DDX60L: variants seen among roughly 807,000 people sequenced by gnomAD.
DDX60L encodes DExD/H-box 60 like, also known as probable ATP-dependent RNA helicase DDX60-like.
Under a neutral mutation model 211.6 loss-of-function variants are expected in DDX60L, and 191 were observed. The ratio of observed to expected loss-of-function variants is 0.90; its 90% CI spans 0.80 to 1.02. DDX60L has a LOEUF of 1.02. Among genes scored for constraint, DDX60L ranks in the 50% least tolerant of loss-of-function variants. The pLI, the probability that DDX60L is intolerant of heterozygous loss-of-function variation, is 0.00. For missense variants in DDX60L, 2,007 were observed against 1,984.1 expected (o/e 1.01, Z -0.22); for synonymous variants, 706 against 694.1 (o/e 1.02, Z -0.27).
At chr4:168,449,876 C>G (rs1326539024) in intron 8 of DDX60L, among the ~76,000 whole-genome samples, 2 of 150,764 alleles carry the variant, frequency 1.3e-5, no homozygotes, top group East Asian at 1.9e-4. Context: ...AAAATTATGA[C>G]TGAAACGGTG....
At chr4:168,460,058 G>C (rs1757119331) in intron 5 of DDX60L, among the ~76,000 whole-genome samples, 1 of 152,070 alleles carries the variant, frequency 6.6e-6, no homozygotes, top group African/African-American at 2.4e-5. Context: ...AACAAAGGCG[G>C]AGTTCCAATT....
chr4:168,464,441 G>GTTTT (rs1554021674), intron 4 of DDX60L, among the ~76,000 whole-genome samples: 1 of 53,878 alleles, frequency 1.9e-5, no homozygotes, highest in African/African-American at 7.5e-5. Flanking sequence ...CTTTATAATT[G>GTTTT]TATTTTTTTT....
At position 168,480,398 on chromosome 4, in the gene DDX60L, G is replaced by A. The variant is rs568939211; in HGVS notation, c.-132C>T. 6.6e-6 allele frequency: 1 copy of A among 152,648 alleles called. No homozygotes were observed. Among genetic ancestry groups the A allele is most frequent in the African/African-American group, 2.4e-5 (1 of 41,560 alleles). The allele number at this position is 152,648 out of a possible 1,614,324, so 9.5% of individuals were successfully genotyped here. On this transcript the variant is annotated 5_prime_UTR_variant, in exon 1 of 38. Transcript: ENST00000682922. ...TCACCCCGGCCGCCGAACCTGCTAG[G>A]TCCAAAGAGCTTCGGAGCTGCACGC...
In DDX60L at chr4:168,430,506, G is replaced by T. The variant is rs1390066503; in HGVS notation, c.1649C>A (p.Ser550Tyr). ...VTQTTRPKED[S>Y]SGASGEILQN... Reference sequence around the variant, plus strand: ...TAATATTTCACCACTGGCACCACTGGAATCCTCCTTTGGCCGAGTAGTTTG... The same window carrying T: ...TAATATTTCACCACTGGCACCACTGTAATCCTCCTTTGGCCGAGTAGTTTG... Residue 550 changes from serine to tyrosine, a missense_variant, in exon 13 of 38, where the codon TCC becomes TAC. Coordinates refer to ENST00000682922, the MANE Select transcript of DDX60L (RefSeq NM_001012967.3). 1.2e-6 allele frequency: 2 copies of T among 1,605,700 alleles called. No homozygotes were observed. Among genetic ancestry groups the T allele is most frequent in the Non-Finnish European group, 1.7e-6 (2 of 1,177,258 alleles).
chr4:168,373,912 A>C, intron 34 of DDX60L, 104 bp from the exon 35 acceptor site: 100 of 1,163,078 alleles, frequency 8.6e-5, no homozygotes, highest in Non-Finnish European at 1.1e-4. Context: ...CATTCATCTC[A>C]TCAGAATGAA....
chr4:168,365,663 A>T (rs909516617), intron 36 of DDX60L, among the ~76,000 whole-genome samples: 3 of 151,882 alleles, frequency 2.0e-5, no homozygotes, highest in African/African-American at 7.2e-5. Context: ...CTACTTCCAA[A>T]TTTTTTTTAC....
In DDX60L at chr4:168,448,728, A is replaced by T. The variant is rs1011713066; in HGVS notation, c.1048T>A (p.Trp350Arg). Residue 350 changes from tryptophan to arginine, a missense_variant, in exon 9 of 38, where the codon TGG becomes AGG. Coordinates refer to ENST00000682922, the MANE Select transcript of DDX60L (RefSeq NM_001012967.3). ...ILSNLNVFGCWNLNLNHVSDL... is the reference protein window; with the variant it reads ...ILSNLNVFGCRNLNLNHVSDL... ...GAAACATGATTTAAATTCAGATTCCAGCATCCAAAAACGTTTAAGTTGCTT... is the reference window on the plus strand; with the variant it reads ...GAAACATGATTTAAATTCAGATTCCTGCATCCAAAAACGTTTAAGTTGCTT... The T allele has an allele frequency of 6.2e-7, 1 of 1,607,354 alleles. No homozygotes were observed. The highest frequency in any genetic ancestry group is 1.3e-5 in the African/African-American group (1 of 74,924).
intron 34 of DDX60L, among the ~76,000 whole-genome samples, chr4:168,374,684 G>A (rs774562212): frequency 1.3e-5 from 2 of 152,296 alleles, no homozygotes; most frequent in Non-Finnish European, 2.9e-5. Context: ...CTTTTCAATT[G>A]TTTTATTTTT....
intron 22 of DDX60L, among the ~76,000 whole-genome samples, chr4:168,410,829 G>A (rs564485838): frequency 6.6e-6 from 1 of 152,296 alleles, no homozygotes; most frequent in African/African-American, 2.4e-5. Flanking sequence ...AGATCATTTG[G>A]TAATGGGAAC....
chr4:168,374,143 T>C (rs2149649260), intron 34 of DDX60L, among the ~76,000 whole-genome samples: 1 of 151,966 alleles, frequency 6.6e-6, no homozygotes, highest in African/African-American at 2.4e-5. Flanking sequence ...AGAGGTTCTG[T>C]CCAGCGAGTA....
At chr4:168,442,156 C>T (rs886325529) in intron 9 of DDX60L, among the ~76,000 whole-genome samples, 2 of 151,998 alleles carry the variant, frequency 1.3e-5, no homozygotes, top group East Asian at 1.9e-4. Flanking sequence ...GCACCGTGTG[C>T]GAGCCGAAGC....
At chr4:168,419,918 C>T (rs1160713947) in intron 18 of DDX60L, among the ~76,000 whole-genome samples, 1 of 151,144 alleles carries the variant, frequency 6.6e-6, no homozygotes, top group Non-Finnish European at 1.5e-5. Flanking sequence ...ATATTGTTCA[C>T]AAGACCTAGC....
intron 36 of DDX60L, among the ~76,000 whole-genome samples, chr4:168,369,488 A>ACAAAAC (rs1553987225): frequency 1.4e-4 from 21 of 147,076 alleles, no homozygotes; most frequent in Admixed American, 8.8e-4. Context: ...AAAAACAAAA[A>ACAAAAC]AAAAAAAACA....
intron 24 of DDX60L, among the ~76,000 whole-genome samples, chr4:168,405,016 T>G (rs1396198556): frequency 6.6e-6 from 1 of 152,066 alleles, no homozygotes; most frequent in Admixed American, 6.6e-5. Context: ...AGTATCATTT[T>G]TTTTTTTTTT....
chr4:168,390,858 G>C (rs568092060), intron 29 of DDX60L, among the ~76,000 whole-genome samples: 1 of 150,314 alleles, frequency 6.7e-6, no homozygotes, highest in African/African-American at 2.5e-5. Context: ...TTCCTCCCTC[G>C]CCTTATAATA....
rs990785174 is a variant in DDX60L, at chr4:168,397,381, G to C, written c.3492-1257C>G. Among the ~76,000 whole-genome samples, 17 of 152,134 alleles carry C rather than the reference G, an allele frequency of 1.1e-4. 1 individual carries two copies. Among genetic ancestry groups the C allele is most frequent in the Non-Finnish European group, 2.4e-4 (16 of 68,020 alleles). Reference sequence around the variant, plus strand: ...CCAATCTAAAGAAAATAAAGATATGGAAACAACTGCAATGCAGTGTTATAA... The same window carrying C: ...CCAATCTAAAGAAAATAAAGATATGCAAACAACTGCAATGCAGTGTTATAA... On this transcript the variant is annotated intron_variant, in intron 26 of 37. Coordinates refer to ENST00000682922, the MANE Select transcript of DDX60L (RefSeq NM_001012967.3).
intron 1 of DDX60L, among the ~76,000 whole-genome samples, chr4:168,478,073 G>T (rs114243106): frequency 0.02 from 3,047 of 151,732 alleles, 35 homozygotes; most frequent in Middle Eastern, 0.048. Flanking sequence ...ATTTTAAAAA[G>T]GAAGGGAAGC....
intron 22 of DDX60L, among the ~76,000 whole-genome samples, chr4:168,413,850 C>T (rs1032289305): frequency 6.6e-6 from 1 of 151,976 alleles, no homozygotes; most frequent in Non-Finnish European, 1.5e-5. Flanking sequence ...CTTCCCAAAC[C>T]TAGAGAAATA....
Position 168,461,989 on chromosome 4 carries a change from C to T in DDX60L, c.316G>A (p.Ala106Thr), listed in dbSNP as rs190465186. Residue 106 changes from alanine to threonine, a missense_variant, in exon 5 of 38, where the codon GCT becomes ACT. Ala to Thr is a moderately conservative substitution (Grantham distance 58, BLOSUM62 0). Coordinates refer to ENST00000682922, the MANE Select transcript of DDX60L (RefSeq NM_001012967.3). ...TTGTGTTGAAGGTGGAGAATTAAAG[C>T]GGTCCTCAATGAAAGAAGTTCAGGA... ...DFPELLSLRT[A>T]LILHLQHNTN... 9.9e-6 allele frequency: 16 copies of T among 1,612,448 alleles called. No individual in the cohort carries two copies. Among genetic ancestry groups the T allele is most frequent in the Admixed American group, 3.3e-5 (2 of 59,904 alleles).
Sources: allele counts gnomAD v4.1 joint callset (sites outside exome capture counted in the v4.1 genomes callset), GRCh38; gene constraint gnomAD v4.1.1; transcripts MANE v1.5; gene names NCBI Gene and HGNC (gene_info 2026-07-23, HGNC 2026-07-21).